The following KLHDC1 variants were observed in gnomAD, a reference collection of about 807,000 sequenced individuals.
KLHDC1 encodes the protein kelch domain containing 1.
Under a neutral mutation model 68.3 loss-of-function variants are expected in KLHDC1, and 53 were observed. The observed-to-expected ratio is 0.78, with a 90% CI of 0.62 to 0.98. KLHDC1 has a LOEUF of 0.98. KLHDC1 is among the 50% of genes least tolerant of loss of function. KLHDC1 has a pLI of 0.00. For missense variants in KLHDC1, 470 were observed against 492.3 expected (o/e 0.95, Z 0.43); for synonymous variants, 148 against 159.0 (o/e 0.93, Z 0.52).
intron 11 of KLHDC1, 60 bp from the exon 12 acceptor site, chr14:49,743,693 A>T: frequency 2.1e-6 from 2 of 972,524 alleles, no homozygotes; most frequent in Non-Finnish European, 3.2e-6. Context: ...GAAACATTCA[A>T]TTATTAACTC....
At chr14:49,743,329 G>T (rs1889114103) in intron 11 of KLHDC1, among the ~76,000 whole-genome samples, 1 of 150,120 alleles carries the variant, frequency 6.7e-6, no homozygotes. Flanking sequence ...GAACCTGGGA[G>T]TTGGAGGTTG....
At chr14:49,746,419 A>G (rs930258917) in intron 12 of KLHDC1, among the ~76,000 whole-genome samples, 3 of 152,138 alleles carry the variant, frequency 2.0e-5, no homozygotes, top group African/African-American at 7.2e-5. Flanking sequence ...GAGGGAGAAG[A>G]AAAGGAGGCA....
intron 8 of KLHDC1, 122 bp downstream of exon 8, chr14:49,729,670 T>A: frequency 1.6e-6 from 1 of 639,408 alleles, no homozygotes; most frequent in East Asian, 2.8e-5. Context: ...ATCGTATGTC[T>A]AAGCAAGGAC....
At chr14:49,704,212 A>G (rs554598733) in intron 1 of KLHDC1, among the ~76,000 whole-genome samples, 12 of 152,204 alleles carry the variant, frequency 7.9e-5, no homozygotes, top group East Asian at 1.9e-4. Context: ...TTGAGCGTCT[A>G]ACTTTATGGA....
rs966385815 is a variant in KLHDC1, at chr14:49,734,105, C to T, written c.824-484C>T. Among the ~76,000 whole-genome samples, 5 of 152,180 alleles carry T rather than the reference C, an allele frequency of 3.3e-5. No homozygotes were observed. The East Asian group carries it at 9.7e-4, about 29-fold the overall frequency. On this transcript the variant is annotated intron_variant, in intron 9 of 12. Transcript: ENST00000359332. ...CTGTTTTCTGTTTTTGGTCATTGAC[C>T]TATGGGAAATTAAATGTCCTAACTC...
At chr14:49,703,377 C>A (rs2139731960) in intron 1 of KLHDC1, among the ~76,000 whole-genome samples, 1 of 150,870 alleles carries the variant, frequency 6.6e-6, no homozygotes, top group Admixed American at 6.6e-5. Flanking sequence ...AGTTTCGCTC[C>A]TGTTGCCTAG....
intron 1 of KLHDC1, chr14:49,708,810 T>C (rs1888125244): frequency 6.4e-6 from 1 of 155,420 alleles, no homozygotes; most frequent in Non-Finnish European, 1.4e-5. Context: ...TATTTTTTGA[T>C]GATCTTTTTC....
At chr14:49,736,247 T>G (rs1449259896) in intron 10 of KLHDC1, among the ~76,000 whole-genome samples, 2 of 152,196 alleles carry the variant, frequency 1.3e-5, no homozygotes, top group Non-Finnish European at 2.9e-5. Flanking sequence ...ACTAGAGCTA[T>G]GTAAAGAGAT....
chr14:49,743,601 G>T lies in KLHDC1; in HGVS notation c.982-152G>T, dbSNP rs1889121069. On this transcript the variant is annotated intron_variant, in intron 11 of 12. Transcript: ENST00000359332. Reference sequence around the variant, plus strand: ...TATGTACATGTATGTTTATGTGTGTGCATGAATTTATGTGTGTGTGTCAAC... The same window carrying T: ...TATGTACATGTATGTTTATGTGTGTTCATGAATTTATGTGTGTGTGTCAAC... 3 of 558,840 alleles carry T rather than the reference G, an allele frequency of 5.4e-6. No individual in the cohort carries two copies. The African/African-American group carries it at 5.8e-5, about 11-fold the overall frequency. 34.6% of individuals were successfully genotyped at this position (558,840 alleles called of 1,614,324 possible). A position where few individuals can be genotyped will look rare whatever the true frequency, so the allele number is the denominator to read the frequency against.
chr14:49,734,630 C>T lies in KLHDC1; in HGVS notation c.865C>T (p.Gln289Ter). 1 of 1,594,310 alleles carries T rather than the reference C, an allele frequency of 6.3e-7. No individual in the cohort carries two copies. ...TAATGTCACAACAAATTGTTGGAAA[C>T]AACTTACACATTTACCTAAAACAAG... ...IHNVTTNCWK[Q>*]LTHLPKTRPR... The change falls in exon 10 of 13, where the codon CAA (glutamine) becomes TAA (stop). Residue 289 changes from glutamine to a stop codon, truncating the protein, a stop_gained. Transcript: ENST00000359332. LOFTEE classifies it high-confidence loss of function.
chr14:49,745,660 G>T (rs1165967233), intron 12 of KLHDC1, among the ~76,000 whole-genome samples: 1 of 152,192 alleles, frequency 6.6e-6, no homozygotes, highest in African/African-American at 2.4e-5. Flanking sequence ...TTTGAGCTAA[G>T]AATTTGCCAT....
At chr14:49,746,151 T>C (rs1269461646) in intron 12 of KLHDC1, among the ~76,000 whole-genome samples, 1 of 151,906 alleles carries the variant, frequency 6.6e-6, no homozygotes, top group Non-Finnish European at 1.5e-5. Context: ...ATAGGAGGAA[T>C]ATGGAGAAAG....
chr14:49,746,284 G>C (rs1304162832), intron 12 of KLHDC1, among the ~76,000 whole-genome samples: 1 of 152,144 alleles, frequency 6.6e-6, no homozygotes, highest in African/African-American at 2.4e-5. Flanking sequence ...AGAGGTCTGG[G>C]CCAGACATAA....
intron 10 of KLHDC1, among the ~76,000 whole-genome samples, chr14:49,739,876 A>G (rs1889017922): frequency 6.6e-6 from 1 of 152,218 alleles, no homozygotes; most frequent in African/African-American, 2.4e-5. Flanking sequence ...TTTAAAAAAC[A>G]AAAACAAAAA....
intron 4 of KLHDC1, among the ~76,000 whole-genome samples, chr14:49,718,597 T>G (rs568321815): frequency 6.6e-6 from 1 of 152,138 alleles, no homozygotes; most frequent in South Asian, 2.1e-4. Flanking sequence ...TCTTTTGTCA[T>G]CCTTTTTATT....
In KLHDC1 at chr14:49,740,185, A is replaced by G. The variant is rs1451801839; in HGVS notation, c.981+3A>G. The G allele has an allele frequency of 6.5e-7, 1 of 1,544,976 alleles. No homozygotes were observed. On this transcript the variant is annotated splice_donor_region_variant and intron_variant, in intron 11 of 12. Coordinates refer to ENST00000359332, the MANE Select transcript of KLHDC1 (RefSeq NM_172193.3). ...ATGACTTACTTGCCTTGGATACAGTAAGAAAATCTTATATCTAAATATTTC... is the reference window on the plus strand; with the variant it reads ...ATGACTTACTTGCCTTGGATACAGTGAGAAAATCTTATATCTAAATATTTC...
chr14:49,725,003 C>G (rs1306669035), intron 5 of KLHDC1, among the ~76,000 whole-genome samples: 2 of 151,916 alleles, frequency 1.3e-5, no homozygotes, highest in African/African-American at 4.8e-5. Context: ...AAAATAGATT[C>G]TAAACTAAGT....
chr14:49,731,666 CTCTTT>C (rs1032988984), intron 8 of KLHDC1, among the ~76,000 whole-genome samples: 3 of 151,878 alleles, frequency 2.0e-5, no homozygotes, highest in Non-Finnish European at 2.9e-5. Flanking sequence ...CATGCCCCGT[CTCTTT>C]TAAGTGTCCC....
At chr14:49,724,774 A>G (rs1323045959) in intron 5 of KLHDC1, among the ~76,000 whole-genome samples, 8 of 151,820 alleles carry the variant, frequency 5.3e-5, no homozygotes, top group Admixed American at 2.6e-4. Flanking sequence ...TTCTCCTACA[A>G]TACAGTTACT....
Sources: gnomAD v4.1 joint callset for allele counts (sites outside exome capture counted in the v4.1 genomes callset) on GRCh38, gnomAD v4.1.1 for gene constraint, MANE v1.5 for transcripts, NCBI Gene and HGNC (gene_info 2026-07-23, HGNC 2026-07-21) for gene names.